Variants in NETO2 observed in about 807,000 individuals in gnomAD.
The protein encoded by NETO2 is neuropilin and tolloid like 2.
In NETO2, 28 loss-of-function variants were observed where a neutral mutation model predicts 62.5. The observed-to-expected ratio is 0.45, with a 90% confidence interval of 0.33 to 0.61. NETO2 has a LOEUF of 0.61. Among genes scored for constraint, NETO2 ranks in the 20% least tolerant of loss-of-function variants. The pLI, the probability that NETO2 is intolerant of heterozygous loss-of-function variation, is 0.02. For synonymous variants in NETO2, 214 were observed against 219.1 expected, an observed-to-expected ratio of 0.98 and a Z score of 0.21; for missense variants, 548 against 643.2, an observed-to-expected ratio of 0.85 and a Z score of 1.60.
At chr16:47,094,068 A>G (rs1297701967) in intron 7 of NETO2, among the ~76,000 whole-genome samples, 2 of 152,178 alleles carry the variant, frequency 1.3e-5, no homozygotes, top group African/African-American at 4.8e-5. Context: ...CATACAGGAG[A>G]TGAATCTGAG....
At chr16:47,140,280 A>G (rs969569684) in intron 1 of NETO2, among the ~76,000 whole-genome samples, 1 of 152,312 alleles carries the variant, frequency 6.6e-6, no homozygotes, top group East Asian at 1.9e-4. Context: ...CTCAAAGATC[A>G]TAATAATTTC....
intron 7 of NETO2, among the ~76,000 whole-genome samples, chr16:47,094,212 T>C (rs1378916327): frequency 1.3e-5 from 2 of 151,148 alleles, no homozygotes; most frequent in Non-Finnish European, 2.9e-5. Flanking sequence ...TGATCTGCAC[T>C]TATGATAAGC....
chr16:47,106,265 G>C (rs1444816114), intron 7 of NETO2, among the ~76,000 whole-genome samples: 1 of 152,138 alleles, frequency 6.6e-6, no homozygotes, highest in Non-Finnish European at 1.5e-5. Flanking sequence ...AATTCACAGA[G>C]ACAGAAAGAA....
In NETO2 at chr16:47,109,606, T is replaced by G; in HGVS notation, c.760A>C (p.Lys254Gln). 6.2e-7 allele frequency: 1 copy of G among 1,614,166 alleles called. No homozygotes were observed. The highest frequency in any genetic ancestry group is 8.5e-7 in the Non-Finnish European group (1 of 1,180,006). ...GSSSIENLKA[K>Q]FCSTVANDVM... is the part of the protein sequence containing the mutation. The stretch of plus-strand genomic sequence containing the variant: ...TCATTGGCCACAGTGCTGCAAAACT[T>G]GGCCTTCAGGTTTTCAATAGAACTG... Residue 254 changes from lysine to glutamine, a missense_variant, in exon 7 of 9, where the codon AAG (lysine) becomes CAG (glutamine). Coordinates refer to ENST00000562435, the MANE Select transcript of NETO2 (RefSeq NM_018092.5).
intron 7 of NETO2, among the ~76,000 whole-genome samples, chr16:47,094,493 T>C (rs974618627): frequency 5.3e-5 from 8 of 151,838 alleles, no homozygotes; most frequent in Admixed American, 4.6e-4. Flanking sequence ...TGGTGCAATG[T>C]TGGCTCACTG....
At chr16:47,127,263 G>T (rs1316005418) in intron 4 of NETO2, among the ~76,000 whole-genome samples, 2 of 152,162 alleles carry the variant, frequency 1.3e-5, no homozygotes, top group Non-Finnish European at 2.9e-5. Flanking sequence ...TTCTGCATTA[G>T]GGATATGTAC....
Position 47,143,681 on chromosome 16 carries a change from C to G in NETO2, c.-69G>C. 1 of 1,214,628 alleles carries G rather than the reference C, an allele frequency of 8.2e-7. No homozygotes were observed. The highest frequency in any genetic ancestry group is 1.0e-6 in the Non-Finnish European group (1 of 976,140). 75.2% of individuals were successfully genotyped at this position (1,214,628 alleles called of 1,614,324 possible). A position where few individuals can be genotyped will look rare whatever the true frequency, so the allele number is the denominator to read the frequency against. On this transcript the variant is annotated 5_prime_UTR_variant, in exon 1 of 9. Transcript: ENST00000562435. ...CGGCGGTGGCTCGGCGCTCACGGCT[C>G]GGCGCGGCGGCGACGGCCCCACTCC...
chr16:47,124,855 A>G (rs1007891157), intron 4 of NETO2, among the ~76,000 whole-genome samples: 5 of 152,190 alleles, frequency 3.3e-5, no homozygotes, highest in African/African-American at 1.2e-4. Flanking sequence ...GTCTATCAAA[A>G]CTGTGAAGCA....
chr16:47,126,721 A>T (rs1449155392), intron 4 of NETO2, among the ~76,000 whole-genome samples: 1 of 152,218 alleles, frequency 6.6e-6, no homozygotes, highest in Non-Finnish European at 1.5e-5. Flanking sequence ...CAGGAGGCTT[A>T]TGGTAACTCT....
chr16:47,111,336 T>C (rs1963795813), intron 6 of NETO2, among the ~76,000 whole-genome samples: 1 of 152,258 alleles, frequency 6.6e-6, no homozygotes. Flanking sequence ...TATGGTATTA[T>C]ATAAGGCTAT....
At chr16:47,137,388 C>T (rs1964379171) in intron 1 of NETO2, among the ~76,000 whole-genome samples, 1 of 152,144 alleles carries the variant, frequency 6.6e-6, no homozygotes, top group Admixed American at 6.5e-5. Context: ...AGTACCACTG[C>T]AACAGGAGCA....
intron 7 of NETO2, among the ~76,000 whole-genome samples, 191 bp downstream of exon 7, chr16:47,109,292 C>T (rs1183213340): frequency 6.6e-6 from 1 of 151,804 alleles, no homozygotes; most frequent in Non-Finnish European, 1.5e-5. Flanking sequence ...CAAATCAACA[C>T]CCCACCTCTA....
At position 47,102,072 on chromosome 16, in the gene NETO2, G is replaced by C. The variant is rs1289057907; in HGVS notation, c.883+7411C>G. Among the ~76,000 whole-genome samples the C allele has an allele frequency of 5.3e-5, 8 of 152,272 alleles. No homozygotes were observed. The East Asian group carries it at 1.5e-3, about 29-fold the overall frequency. On this transcript the variant is annotated intron_variant, in intron 7 of 8. Coordinates refer to ENST00000562435, the MANE Select transcript of NETO2 (RefSeq NM_018092.5). ...CAGTAACCAAAACAGCAAGGTACTG[G>C]TATCAAAACAGATACATGGACCAAT...
chr16:47,134,296 CCT>C (rs1964327037), intron 1 of NETO2, among the ~76,000 whole-genome samples: 1 of 152,148 alleles, frequency 6.6e-6, no homozygotes. Context: ...CTCTGTGTCT[CCT>C]CTGTCTTTTC....
chr16:47,080,127 A>T lies in NETO2; in HGVS notation c.*3094T>A, dbSNP rs1017463782. 6.6e-6 allele frequency: 1 copy of T among 152,202 alleles called. No individual in the cohort carries two copies. The highest frequency in any genetic ancestry group is 6.5e-5 in the Admixed American group (1 of 15,282). The allele number at this position is 152,202 out of a possible 1,614,324, so 9.4% of individuals were successfully genotyped here. On this transcript the variant is annotated 3_prime_UTR_variant, in exon 9 of 9. Transcript: ENST00000562435. ...GTGAACATTCTTTGCCTTTTGTTAA[A>T]CGTTTAGATTGACACTCTCCCCACA...
intron 7 of NETO2, among the ~76,000 whole-genome samples, chr16:47,089,232 A>G (rs1963261621): frequency 6.6e-6 from 1 of 152,228 alleles, no homozygotes; most frequent in South Asian, 2.1e-4. Flanking sequence ...GGTGGCTGAC[A>G]TGACTGAAGA....
At chr16:47,091,874 C>G (rs1214901410) in intron 7 of NETO2, among the ~76,000 whole-genome samples, 1 of 151,962 alleles carries the variant, frequency 6.6e-6, no homozygotes, top group Non-Finnish European at 1.5e-5. Context: ...CAGAGTCTCA[C>G]TCTGTTGCCC....
chr16:47,089,103 C>A (rs1215669256), intron 7 of NETO2, among the ~76,000 whole-genome samples: 4 of 152,190 alleles, frequency 2.6e-5, no homozygotes, highest in Non-Finnish European at 5.9e-5. Flanking sequence ...TGTAAGCCAA[C>A]CTGCAGTTGA....
rs1963103385 is a variant in NETO2, at chr16:47,083,117, CG to C, written c.*103del. 1.0e-6 allele frequency: 1 copy of C among 998,734 alleles called. No homozygotes were observed. Among genetic ancestry groups the C allele is most frequent in the Non-Finnish European group, 1.5e-6 (1 of 668,082 alleles). 61.9% of individuals were successfully genotyped at this position (998,734 alleles called of 1,614,324 possible). A position where few individuals can be genotyped will look rare whatever the true frequency, so the allele number is the denominator to read the frequency against. On this transcript the variant is annotated 3_prime_UTR_variant, in exon 9 of 9. Transcript: ENST00000562435. The stretch of plus-strand genomic sequence containing the variant: ...TAGGTTAACGGTAAATCAAGGTCTT[CG>C]TAGTTGTGATGGGAGAAAAGGGTTG...
Sources: allele counts gnomAD v4.1 joint callset (sites outside exome capture counted in the v4.1 genomes callset), GRCh38; gene constraint gnomAD v4.1.1; transcripts MANE v1.5; gene names NCBI Gene and HGNC (gene_info 2026-07-23, HGNC 2026-07-21).